ZNF717: variants seen among roughly 807,000 people sequenced by gnomAD.
ZNF717 encodes the protein zinc finger protein 717, also known as krueppel-like factor X17.
A neutral mutation model predicts 13.8 loss-of-function variants in ZNF717; 9 were observed. The ratio of observed to expected loss-of-function variants is 0.65; its 90% CI spans 0.39 to 1.14. ZNF717 has a LOEUF of 1.14. Among genes scored for constraint, ZNF717 ranks in the 50% most tolerant of loss-of-function variants. The pLI, the probability that ZNF717 is intolerant of heterozygous loss-of-function variation, is 0.01. For missense variants in ZNF717, 1,040 were observed against 1,080.7 expected (o/e 0.96, Z 0.53); for synonymous variants, 327 against 364.1 (o/e 0.90, Z 1.16).
intron 2 of ZNF717, among the ~76,000 whole-genome samples, chr3:75,780,804 T>C (rs77853861): frequency 6.6e-6 from 1 of 152,276 alleles, no homozygotes; most frequent in South Asian, 2.1e-4. Flanking sequence ...GAGTTACTCA[T>C]GCTAAATGTA....
intron 6 of ZNF717, among the ~76,000 whole-genome samples, chr3:75,695,236 TA>T (rs150555569): frequency 2.6e-5 from 4 of 152,388 alleles, no homozygotes; most frequent in Admixed American, 2.6e-4. Context: ...AGGAAGAGAT[TA>T]AAAAGGTCAT....
At chr3:75,724,859 T>G (rs1938245332) in intron 4 of ZNF717, among the ~76,000 whole-genome samples, 1 of 152,272 alleles carries the variant, frequency 6.6e-6, no homozygotes, top group Non-Finnish European at 1.5e-5. Flanking sequence ...ATTATTTTCA[T>G]GGAGCACTCT....
At chr3:75,762,000 G>A (rs1202701872) in intron 2 of ZNF717, among the ~76,000 whole-genome samples, 7 of 151,612 alleles carry the variant, frequency 4.6e-5, no homozygotes, top group Admixed American at 4.6e-4. Context: ...GTTGCAGTCA[G>A]CTGAGATTGT....
intron 2 of ZNF717, among the ~76,000 whole-genome samples, chr3:75,759,185 A>G (rs1394402538): frequency 2.0e-5 from 3 of 151,852 alleles, no homozygotes; most frequent in African/African-American, 7.3e-5. Context: ...GTCTGGAACC[A>G]AACCCACATA....
intron 2 of ZNF717, among the ~76,000 whole-genome samples, chr3:75,745,364 C>T (rs1468918063): frequency 3.3e-5 from 5 of 151,950 alleles, no homozygotes; most frequent in Admixed American, 1.3e-4. Context: ...AGCATTCAGA[C>T]CCCAGTAGCA....
chr3:75,705,335 C>A (rs1332229779), downstream of ZNF717, among the ~76,000 whole-genome samples: 7 of 152,084 alleles, frequency 4.6e-5, no homozygotes, highest in Non-Finnish European at 7.4e-5. Context: ...TATATACAGG[C>A]TTCTCTGATG....
At chr3:75,714,239 C>G (rs1218659588) in intron 5 of ZNF717, among the ~76,000 whole-genome samples, 1 of 151,994 alleles carries the variant, frequency 6.6e-6, no homozygotes, top group Admixed American at 6.6e-5. Flanking sequence ...GAAAGGGAGA[C>G]TCCCTTTCCT....
downstream of ZNF717, among the ~76,000 whole-genome samples, chr3:75,731,898 G>C (rs77738888): frequency 6.6e-6 from 1 of 152,280 alleles, no homozygotes; most frequent in African/African-American, 2.4e-5. Flanking sequence ...ATGGCTTACA[G>C]GAACAGAGAC....
chr3:75,775,894 C>T (rs781543346), intron 2 of ZNF717, among the ~76,000 whole-genome samples: 1 of 151,542 alleles, frequency 6.6e-6, no homozygotes, highest in East Asian at 1.9e-4. Flanking sequence ...AATAAAAAGA[C>T]CAACTGGTTT....
intron 2 of ZNF717, among the ~76,000 whole-genome samples, chr3:75,752,939 T>C (rs1338002717): frequency 1.7e-4 from 23 of 132,242 alleles, no homozygotes; most frequent in Non-Finnish European, 2.6e-4. Context: ...GTCCCTCACA[T>C]AGGATTCCAG....
intron 2 of ZNF717, among the ~76,000 whole-genome samples, chr3:75,760,654 G>C (rs1477943085): frequency 7.7e-6 from 1 of 129,784 alleles, no homozygotes. Context: ...GAAAAGAAGC[G>C]AGATCTCAAA....
intron 6 of ZNF717, among the ~76,000 whole-genome samples, chr3:75,701,925 A>G (rs1937705086): frequency 6.6e-6 from 1 of 152,416 alleles, no homozygotes; most frequent in African/African-American, 2.4e-5. Flanking sequence ...AATCAAACCC[A>G]AAATGAGATA....
chr3:75,768,360 TGG>T (rs71101853), intron 2 of ZNF717, among the ~76,000 whole-genome samples: 923 of 13,526 alleles, frequency 0.068, 46 homozygotes, highest in African/African-American at 0.17. Flanking sequence ...TGGCTGAGTG[TGG>T]GGGGGGGGGG....
chr3:75,737,097 A>G lies in ZNF717; in HGVS notation c.2526T>C (p.Phe842=). The G allele has an allele frequency of 1.9e-6, 3 of 1,583,616 alleles. No individual in the cohort carries two copies. Among genetic ancestry groups the G allele is most frequent in the Non-Finnish European group, 2.6e-6 (3 of 1,164,886 alleles). ...AAGTTTTCCTACATTCATTACATCT[A>G]AAGGGTTTTTCCCCTGTGTGAGTTC... The part of the protein sequence containing the change: ...HHRTHTGEKP[F]RCNECRKTFS... The change falls in exon 5 of 5, where the codon TTT becomes TTC. Residue 842 remains phenylalanine, a synonymous_variant. Transcript: ENST00000652011.
chr3:75,752,147 G>C (rs1941888027), intron 2 of ZNF717, among the ~76,000 whole-genome samples: 1 of 147,282 alleles, frequency 6.8e-6, no homozygotes, highest in Non-Finnish European at 1.5e-5. Flanking sequence ...TAGCATTCCA[G>C]AACACTACTG....
exon 6 of ZNF717, chr3:75,710,554 C>T (rs74558475): frequency 6.6e-6 from 1 of 152,166 alleles, no homozygotes; most frequent in East Asian, 1.9e-4. Context: ...CTGGGAAAAT[C>T]TGTTCTAATG....
At chr3:75,734,795 T>TTATATATATATATATA (rs1295066161), downstream of ZNF717, among the ~76,000 whole-genome samples, 5 of 85,410 alleles carry the variant, frequency 5.9e-5, no homozygotes, top group African/African-American at 2.4e-4. Context: ...ATGTATGCAA[T>TTATATATATATATATA]TATATATATA....
intron 2 of ZNF717, among the ~76,000 whole-genome samples, chr3:75,756,717 C>T (rs148884486): frequency 6.6e-6 from 1 of 152,080 alleles, no homozygotes; most frequent in African/African-American, 2.4e-5. Flanking sequence ...TCTTCTTGCC[C>T]AAGCTAGAGT....
At chr3:75,699,851 G>C (rs75944798) in intron 6 of ZNF717, among the ~76,000 whole-genome samples, 1 of 149,848 alleles carries the variant, frequency 6.7e-6, no homozygotes, top group African/African-American at 2.4e-5. Flanking sequence ...TATATGCCAA[G>C]AGTCAACAAA....
Sources: gnomAD v4.1 joint callset for allele counts (sites outside exome capture counted in the v4.1 genomes callset) on GRCh38, gnomAD v4.1.1 for gene constraint, MANE v1.5 for transcripts, NCBI Gene and HGNC (gene_info 2026-07-23, HGNC 2026-07-21) for gene names.